CELF6: variants seen among roughly 807,000 people sequenced by gnomAD.
CELF6 encodes Bruno -like 6, RNA binding protein.
In CELF6, 32 loss-of-function variants were observed where a neutral mutation model predicts 53.1. That is an observed-to-expected ratio of 0.60 (90% CI 0.46 to 0.81). The LOEUF is 0.81. Among genes scored for constraint, CELF6 ranks in the 30% least tolerant of loss-of-function variants. CELF6 has a pLI of 0.00. For synonymous variants in CELF6, 291 were observed against 288.8 expected (o/e 1.01, Z -0.08); for missense variants, 539 against 669.5 (o/e 0.81, Z 2.15).
In CELF6 at chr15:72,288,650, C is replaced by T; in HGVS notation, c.1094-32G>A. On this transcript the variant is annotated intron_variant, in intron 9 of 12. Coordinates refer to ENST00000287202, the MANE Select transcript of CELF6 (RefSeq NM_052840.5). The surrounding 1 kb of genome is among the most constrained non-coding windows in gnomAD (Gnocchi z 4.6). The stretch of plus-strand genomic sequence containing the variant: ...ACAGAGGTGGGAGTGGACAGTGATC[C>T]CCAGGAGCCCTTCCCCAAGCAGGGC... The T allele has an allele frequency of 6.5e-7, 1 of 1,544,136 alleles. No individual in the cohort carries two copies. Among genetic ancestry groups the T allele is most frequent in the East Asian group, 2.3e-5 (1 of 44,338 alleles).
In CELF6 at chr15:72,288,899, CTGCA is replaced by C; in HGVS notation, c.1058_1061del (p.Leu353ArgfsTer21). 1 of 1,550,974 alleles carries C rather than the reference CTGCA, an allele frequency of 6.4e-7. No individual in the cohort carries two copies. Among genetic ancestry groups the C allele is most frequent in the Non-Finnish European group, 8.7e-7 (1 of 1,147,068 alleles). On this transcript the variant is annotated frameshift_variant, in exon 9 of 13. Coordinates refer to ENST00000287202, the MANE Select transcript of CELF6 (RefSeq NM_052840.5). LOFTEE classifies it high-confidence loss of function. The surrounding 1 kb of genome is among the most constrained non-coding windows in gnomAD (Gnocchi z 4.6). Reference sequence around the variant, plus strand: ...AGTGGTGCATCCCAGCGTAGGCCTGCTGCAGGGGGTCAGCCACGCCGGGGCTCTG... The same window carrying C: ...AGTGGTGCATCCCAGCGTAGGCCTGCGGGGGTCAGCCACGCCGGGGCTCTG...
intron 3 of CELF6, among the ~76,000 whole-genome samples, chr15:72,301,734 ATTTT>A (rs34705032): frequency 7.9e-6 from 1 of 125,866 alleles, no homozygotes. Flanking sequence ...TAAAAAGTTG[ATTTT>A]TTTTTTTTTT....
chr15:72,305,658 C>T (rs1450547102), intron 2 of CELF6, among the ~76,000 whole-genome samples: 1 of 152,106 alleles, frequency 6.6e-6, no homozygotes, highest in Non-Finnish European at 1.5e-5. Context: ...TTGTCTGGCT[C>T]TTCCTACTTT....
In CELF6 at chr15:72,320,059, G is replaced by GGGGCC. The variant is rs2088411526; in HGVS notation, c.-190_-186dup. ...GGGGTGGGGCGGGCAGGAAAGGGGC[G>GGGGCC]GGGCCGGGGCGGGGCGGGCCCGGGC... On this transcript the variant is annotated 5_prime_UTR_variant, in exon 1 of 13. Coordinates refer to ENST00000287202, the MANE Select transcript of CELF6 (RefSeq NM_052840.5). 1.6e-6 allele frequency: 1 copy of GGGGCC among 618,774 alleles called. No homozygotes were observed. The highest frequency in any genetic ancestry group is 1.9e-5 in the African/African-American group (1 of 52,890). 38.3% of individuals were successfully genotyped at this position (618,774 alleles called of 1,614,324 possible). A position where few individuals can be genotyped will look rare whatever the true frequency, so the allele number is the denominator to read the frequency against.
In CELF6 at chr15:72,289,267, T is replaced by A; in HGVS notation, c.901A>T (p.Ser301Cys). 1 of 1,580,242 alleles carries A rather than the reference T, an allele frequency of 6.3e-7. No homozygotes were observed. The highest frequency in any genetic ancestry group is 1.3e-5 in the African/African-American group (1 of 74,518). Residue 301 changes from serine to cysteine, a missense_variant, in exon 8 of 13, where the codon AGC becomes TGC. This residue lies in a region of CELF6 where 358 missense variants were observed against 412.8 expected (regional missense o/e 0.87). Coordinates refer to ENST00000287202, the MANE Select transcript of CELF6 (RefSeq NM_052840.5). This position sits in a 1 kb window ranked among gnomAD's most constrained non-coding sequence, Gnocchi z 7.6. Reference protein sequence around the residue: ...PAAAANSPPGSGPGTLPGLPA... With the variant: ...PAAAANSPPGCGPGTLPGLPA... ...AGACCTGGGAGGGTGCCAGGGCCGC[T>A]GCCAGGCGGGGAGTTGGCTGCTGAT... is the stretch of plus-strand genomic sequence containing the variant.
intron 2 of CELF6, among the ~76,000 whole-genome samples, chr15:72,306,751 G>C (rs1287981265): frequency 6.6e-6 from 1 of 151,698 alleles, no homozygotes; most frequent in African/African-American, 2.4e-5. Context: ...AAGCAGATCA[G>C]GGCGAGCTTG....
Position 72,319,596 on chromosome 15 carries a change from G to T in CELF6, c.262+17C>A, listed in dbSNP as rs566879170. On this transcript the variant is annotated intron_variant, in intron 1 of 12. Coordinates refer to ENST00000287202, the MANE Select transcript of CELF6 (RefSeq NM_052840.5). The surrounding 1 kb of genome is among the most constrained non-coding windows in gnomAD (Gnocchi z 5.0). ...AATCGGATTGGGGCTGGGCTGGGCT[G>T]GGCTGACCCCGCGCACCTTTGTGGA... The T allele has an allele frequency of 2.0e-6, 3 of 1,531,832 alleles. No individual in the cohort carries two copies. Among genetic ancestry groups the T allele is most frequent in the Admixed American group, 4.0e-5 (2 of 50,278 alleles). The allele number at this position is 1,531,832 out of a possible 1,614,324, so 94.9% of individuals were successfully genotyped here.
chr15:72,312,829 G>C (rs2088315417), intron 2 of CELF6, among the ~76,000 whole-genome samples: 1 of 152,190 alleles, frequency 6.6e-6, no homozygotes, highest in Non-Finnish European at 1.5e-5. Flanking sequence ...CAGAGAGCTG[G>C]GCACTCCTCC....
At position 72,319,809 on chromosome 15, in the gene CELF6, G is replaced by A. The variant is rs972157514; in HGVS notation, c.66C>T (p.Thr22=). 6.4e-7 allele frequency: 1 copy of A among 1,555,354 alleles called. No individual in the cohort carries two copies. Among genetic ancestry groups the A allele is most frequent in the African/African-American group, 1.4e-5 (1 of 73,260 alleles). Residue 22 remains threonine (T), a synonymous_variant, in exon 1 of 13, where the codon ACC becomes ACT. Coordinates refer to ENST00000287202, the MANE Select transcript of CELF6 (RefSeq NM_052840.5). This position sits in a 1 kb window ranked among gnomAD's most constrained non-coding sequence, Gnocchi z 5.0. The part of the protein sequence containing the change: ...AGPGPRLGFS[T]ADSGVGMSGL... ...CGCTCATGCCGACGCCGCTGTCCGC[G>A]GTGCTGAAACCCAGGCGCGGGCCGG...
rs2087964669 is a variant in CELF6, at chr15:72,289,157, G to A, written c.1011C>T (p.Asn337=). 5 of 1,549,112 alleles carry A rather than the reference G, an allele frequency of 3.2e-6. No individual in the cohort carries two copies. The highest frequency in any genetic ancestry group is 2.3e-5 in the Admixed American group (1 of 43,608). Residue 337 remains asparagine (N), a synonymous_variant, in exon 8 of 13, where the codon AAC becomes AAT. Coordinates refer to ENST00000287202, the MANE Select transcript of CELF6 (RefSeq NM_052840.5). The surrounding 1 kb of genome is among the most constrained non-coding windows in gnomAD (Gnocchi z 7.6). ...GCCCACCTGGATAAGGGGAGAGCCCGTTATTGTAGAGCGTGTCGGAGCCCG... is the reference window on the plus strand; with the variant it reads ...GCCCACCTGGATAAGGGGAGAGCCCATTATTGTAGAGCGTGTCGGAGCCCG... The part of the protein sequence containing the change: ...GQPGSDTLYN[N]GLSPYPAQSP...
In CELF6 at chr15:72,299,884, T is replaced by A. The variant is rs541177677; in HGVS notation, c.394+4862A>T. Among the ~76,000 whole-genome samples, 14 of 152,202 alleles carry A rather than the reference T, an allele frequency of 9.2e-5. No individual in the cohort carries two copies. The South Asian group carries it at 2.9e-3, about 32-fold the overall frequency. On this transcript the variant is annotated intron_variant, in intron 3 of 12. Coordinates refer to ENST00000287202, the MANE Select transcript of CELF6 (RefSeq NM_052840.5). ...TACATTAAAAGGCTGCTATAATATATCCACAAAGACCCAGATGCACCTCTG... is the reference window on the plus strand; with the variant it reads ...TACATTAAAAGGCTGCTATAATATAACCACAAAGACCCAGATGCACCTCTG...
chr15:72,292,995 C>G (rs950811735), intron 3 of CELF6, among the ~76,000 whole-genome samples: 1 of 152,186 alleles, frequency 6.6e-6, no homozygotes, highest in Non-Finnish European at 1.5e-5. Flanking sequence ...CCACTGCACT[C>G]CAGCCTGGGC....
Position 72,285,586 on chromosome 15 carries a change from A to G in CELF6, c.*785T>C, listed in dbSNP as rs2087911244. 1 of 152,278 alleles carries G rather than the reference A, an allele frequency of 6.6e-6. No individual in the cohort carries two copies. Among genetic ancestry groups the G allele is most frequent in the African/African-American group, 2.4e-5 (1 of 41,458 alleles). 9.4% of individuals were successfully genotyped at this position (152,278 alleles called of 1,614,324 possible). On this transcript the variant is annotated 3_prime_UTR_variant, in exon 13 of 13. Transcript: ENST00000287202. ...CCTGGGGAAGCAGTGGTTCCACAGG[A>G]AAGGCAATCCCACTCTTGCTGGCTA...
intron 3 of CELF6, among the ~76,000 whole-genome samples, chr15:72,295,791 C>T (rs1003964832): frequency 6.6e-6 from 1 of 151,574 alleles, no homozygotes; most frequent in African/African-American, 2.4e-5. Context: ...TTCATGGATT[C>T]GAAGACTTAA....
At chr15:72,302,420 C>G (rs2088171320) in intron 3 of CELF6, among the ~76,000 whole-genome samples, 2 of 152,210 alleles carry the variant, frequency 1.3e-5, no homozygotes, top group Non-Finnish European at 2.9e-5. Flanking sequence ...TCTTTTTCAG[C>G]TAGATTTGCT....
chr15:72,303,279 C>T lies in CELF6; in HGVS notation c.394+1467G>A, dbSNP rs979664430. 9.9e-5 allele frequency among the ~76,000 whole-genome samples: 15 copies of T among 152,096 alleles called. No individual in the cohort carries two copies. The East Asian group carries it at 1.5e-3, about 16-fold the overall frequency. Reference sequence around the variant, plus strand: ...GTTTTGCATGCAGCCTGGAACATCTCAAAAACCTGACTGGAAAGAATAAAA... The same window carrying T: ...GTTTTGCATGCAGCCTGGAACATCTTAAAAACCTGACTGGAAAGAATAAAA... On this transcript the variant is annotated intron_variant, in intron 3 of 12. Coordinates refer to ENST00000287202, the MANE Select transcript of CELF6 (RefSeq NM_052840.5).
chr15:72,301,038 C>T (rs182082402), intron 3 of CELF6, among the ~76,000 whole-genome samples: 1 of 151,740 alleles, frequency 6.6e-6, no homozygotes, highest in Non-Finnish European at 1.5e-5. Context: ...GGCTGGAGTG[C>T]AGTAGCGCCA....
chr15:72,309,387 G>A (rs1004350455), intron 2 of CELF6, among the ~76,000 whole-genome samples: 6 of 152,202 alleles, frequency 3.9e-5, no homozygotes, highest in Non-Finnish European at 5.9e-5. Flanking sequence ...AGATTTAACA[G>A]ATGTGTAGGA....
chr15:72,314,120 A>G (rs892938480), intron 2 of CELF6, among the ~76,000 whole-genome samples: 3 of 152,206 alleles, frequency 2.0e-5, no homozygotes, highest in African/African-American at 7.2e-5. Context: ...TTAGTCCCCA[A>G]AAGTGAGGCT....
Sources: allele counts gnomAD v4.1 joint callset (sites outside exome capture counted in the v4.1 genomes callset), GRCh38; gene constraint gnomAD v4.1.1; regional missense constraint gnomAD v4.1.1; non-coding constraint Gnocchi (gnomAD v3.1); transcripts MANE v1.5; gene names NCBI Gene and HGNC (gene_info 2026-07-23, HGNC 2026-07-21).